NXPE2: variants seen among roughly 807,000 people sequenced by gnomAD.
NXPE2 encodes the protein neurexophilin and PC-esterase domain family member 2, also known as NXPE family member 2.
Under a neutral mutation model 34.4 loss-of-function variants are expected in NXPE2, and 34 were observed. The observed-to-expected ratio is 0.99, with a 90% CI of 0.75 to 1.31. NXPE2 has a LOEUF of 1.31. Ranked by LOEUF, NXPE2 falls within the 40% of genes most tolerant of loss-of-function variation. The probability of loss-of-function intolerance (pLI) is 0.00; values close to 1 mark genes in which losing one functional copy is unlikely to be tolerated. For missense variants in NXPE2, 649 were observed against 672.5 expected (o/e 0.97, Z 0.39); for synonymous variants, 235 against 231.3 (o/e 1.02, Z -0.15).
chr11:114,786,191 T>TCCC, the NXPE2 span, among the ~76,000 whole-genome samples: 2 of 152,202 alleles, frequency 1.3e-5, no homozygotes, highest in South Asian at 4.1e-4. Context: ...GCGGTGCTGA[T>TCCC]CCCCGCAGCA....
chr11:114,776,736 G>GTCTA, the NXPE2 span, among the ~76,000 whole-genome samples: 2 of 152,200 alleles, frequency 1.3e-5, no homozygotes, highest in Non-Finnish European at 2.9e-5. Context: ...TTAAGTGGGA[G>GTCTA]TCTATCTAAT....
the NXPE2 span, among the ~76,000 whole-genome samples, chr11:114,788,864 T>G: frequency 3.3e-5 from 5 of 152,206 alleles, no homozygotes; most frequent in African/African-American, 1.2e-4. Context: ...TTCCTTCGAT[T>G]GTCATCTCCT....
At chr11:114,504,328 C>A in the NXPE2 span, among the ~76,000 whole-genome samples, 1 of 152,114 alleles carries the variant, frequency 6.6e-6, no homozygotes, top group Non-Finnish European at 1.5e-5. Flanking sequence ...GTGATCACTC[C>A]TGCTTATGGG....
chr11:114,680,742 G>A (rs1046401649), intron 2 of NXPE2, among the ~76,000 whole-genome samples: 1 of 152,214 alleles, frequency 6.6e-6, no homozygotes, highest in East Asian at 1.9e-4. Context: ...AGATTACAAA[G>A]TATTAACAAG....
At chr11:114,499,406 T>A in the NXPE2 span, among the ~76,000 whole-genome samples, 1,964 of 152,242 alleles carry the variant, frequency 0.013, 47 homozygotes, top group African/African-American at 0.043. Flanking sequence ...TTGCCATTTT[T>A]AAAATTCATT....
the NXPE2 span, among the ~76,000 whole-genome samples, chr11:114,619,735 T>C: frequency 6.7e-6 from 1 of 149,074 alleles, no homozygotes; most frequent in Non-Finnish European, 1.5e-5. Flanking sequence ...TACCCTGTGG[T>C]TAATAAGTAT....
chr11:114,491,636 T>A, the NXPE2 span, among the ~76,000 whole-genome samples: 4 of 152,170 alleles, frequency 2.6e-5, no homozygotes, highest in African/African-American at 7.2e-5. Context: ...AAATACCATG[T>A]GACCCAGCCA....
the NXPE2 span, among the ~76,000 whole-genome samples, chr11:114,600,714 C>A: frequency 6.6e-6 from 1 of 151,594 alleles, no homozygotes; most frequent in Non-Finnish European, 1.5e-5. Context: ...TAGTAAAATC[C>A]AAAAAAAGTC....
chr11:114,604,763 A>G, the NXPE2 span, among the ~76,000 whole-genome samples: 1 of 151,902 alleles, frequency 6.6e-6, no homozygotes, highest in African/African-American at 2.4e-5. Flanking sequence ...CTCATTGGTA[A>G]CCACTGTTAC....
rs1457087253 is a variant in NXPE2 at position 114,678,539 on chromosome 11, T to G, written c.-37T>G. The G allele has an allele frequency of 7.9e-6, 12 of 1,511,100 alleles. No homozygotes were observed. The highest frequency in any genetic ancestry group is 9.0e-6 in the Non-Finnish European group (10 of 1,111,362). The allele number at this position is 1,511,100 out of a possible 1,614,324, so 93.6% of individuals were successfully genotyped here. On this transcript the variant is annotated 5_prime_UTR_variant, in exon 1 of 6. Coordinates refer to ENST00000389586, the MANE Select transcript of NXPE2 (RefSeq NM_182495.6). The stretch of plus-strand genomic sequence containing the variant: ...CAAAGACTGCTTTAATCAAGGAGAG[T>G]CTCTGGACACTATAATTCCTGTGAG...
the NXPE2 span, among the ~76,000 whole-genome samples, chr11:114,788,771 C>T: frequency 1.3e-5 from 2 of 152,130 alleles, no homozygotes; most frequent in Admixed American, 1.3e-4. Context: ...CTTTATCACC[C>T]CTTCTTGTGT....
At chr11:114,667,964 C>T in the NXPE2 span, among the ~76,000 whole-genome samples, 43 of 151,862 alleles carry the variant, frequency 2.8e-4, no homozygotes, top group East Asian at 7.0e-3. Flanking sequence ...ACAGAGGATA[C>T]AGAAACAAGC....
chr11:114,653,673 G>T, the NXPE2 span, among the ~76,000 whole-genome samples: 1 of 151,376 alleles, frequency 6.6e-6, no homozygotes, highest in African/African-American at 2.4e-5. Flanking sequence ...GACTACAGGC[G>T]CCCACCACTA....
chr11:114,768,946 A>C, the NXPE2 span, among the ~76,000 whole-genome samples: 3 of 152,226 alleles, frequency 2.0e-5, no homozygotes, highest in Non-Finnish European at 4.4e-5. Flanking sequence ...AACAAAAGCC[A>C]AAACTGACAA....
At chr11:114,725,976 A>AAATATATATATATAT in the NXPE2 span, among the ~76,000 whole-genome samples, 55 of 101,740 alleles carry the variant, frequency 5.4e-4, no homozygotes, top group African/African-American at 1.6e-3. Context: ...ATAAAAAAAA[A>AAATATATATATATAT]ATATATATAT....
the NXPE2 span, among the ~76,000 whole-genome samples, chr11:114,753,285 C>T: frequency 3.1e-4 from 47 of 152,122 alleles, no homozygotes; most frequent in South Asian, 8.1e-3. Flanking sequence ...CCCAGCTACT[C>T]GGAAGGCTGA....
chr11:114,612,959 A>G, the NXPE2 span, among the ~76,000 whole-genome samples: 1 of 151,946 alleles, frequency 6.6e-6, no homozygotes, highest in Non-Finnish European at 1.5e-5. Context: ...CCTGCTGGAT[A>G]ATAATTGTTG....
the NXPE2 span, among the ~76,000 whole-genome samples, chr11:114,464,522 A>G: frequency 1.1e-4 from 17 of 152,214 alleles, no homozygotes; most frequent in Non-Finnish European, 1.9e-4. Context: ...TTGTAATTCA[A>G]TAGTATGTAA....
chr11:114,488,677 C>G, the NXPE2 span, among the ~76,000 whole-genome samples: 13 of 152,132 alleles, frequency 8.5e-5, no homozygotes, highest in African/African-American at 3.1e-4. Context: ...AAAGACACAA[C>G]ATACCAGAAT....
Sources: gnomAD v4.1 joint callset for allele counts (sites outside exome capture counted in the v4.1 genomes callset) on GRCh38, gnomAD v4.1.1 for gene constraint, MANE v1.5 for transcripts, NCBI Gene and HGNC (gene_info 2026-07-23, HGNC 2026-07-21) for gene names.